THRB: variants seen among roughly 807,000 people sequenced by gnomAD.
THRB encodes thyroid hormone receptor beta, also known as nuclear receptor subfamily 1 group A member 2.
THRB carries 12 observed loss-of-function variants against 47.8 expected under a neutral mutation model. That is an observed-to-expected ratio of 0.25 (90% confidence interval 0.16 to 0.41). The LOEUF is 0.41. Among genes scored for constraint, THRB ranks in the 10% least tolerant of loss-of-function variants. The pLI is 1.00. For synonymous variants in THRB, 218 were observed against 212.2 expected (o/e 1.03, Z -0.24); for missense variants, 348 against 589.2 (o/e 0.59, Z 4.24).
chr3:24,270,387 T>A (rs1308795008), intron 3 of THRB, among the ~76,000 whole-genome samples: 1 of 152,210 alleles, frequency 6.6e-6, no homozygotes, highest in African/African-American at 2.4e-5. Flanking sequence ...AAAACATGTG[T>A]CAGGTCAGAG....
At chr3:24,374,336 C>A (rs1394761) in intron 1 of THRB, among the ~76,000 whole-genome samples, 67,909 of 151,854 alleles carry the variant, frequency 0.45, 16,042 homozygotes, top group African/African-American at 0.58. Flanking sequence ...AAATATTCAT[C>A]CTGAAGCTAC....
At chr3:24,373,525 G>A (rs1309093013) in intron 1 of THRB, among the ~76,000 whole-genome samples, 1 of 152,042 alleles carries the variant, frequency 6.6e-6, no homozygotes. Context: ...TCCCACACTT[G>A]CTGGCATGAC....
intron 1 of THRB, among the ~76,000 whole-genome samples, chr3:24,421,975 T>C (rs907492026): frequency 1.3e-5 from 2 of 151,964 alleles, no homozygotes; most frequent in Non-Finnish European, 2.9e-5. Context: ...AGTCTAGTGT[T>C]CCTTTTTCCC....
At chr3:24,432,333 T>C (rs1167692832) in intron 1 of THRB, among the ~76,000 whole-genome samples, 1 of 152,126 alleles carries the variant, frequency 6.6e-6, no homozygotes, top group East Asian at 1.9e-4. Context: ...TCAAATGGGT[T>C]ATGAGTCAAC....
intron 3 of THRB, among the ~76,000 whole-genome samples, chr3:24,238,841 C>T (rs1159980643): frequency 1.3e-5 from 2 of 152,062 alleles, no homozygotes; most frequent in African/African-American, 4.8e-5. Flanking sequence ...CTGTTTACTA[C>T]TTCTTCAGTG....
chr3:24,369,631 C>A (rs960185517), intron 1 of THRB, among the ~76,000 whole-genome samples: 1 of 152,128 alleles, frequency 6.6e-6, no homozygotes, highest in Non-Finnish European at 1.5e-5. Flanking sequence ...CACTCCTCTC[C>A]TCTCTTGAAC....
intron 3 of THRB, among the ~76,000 whole-genome samples, chr3:24,261,323 A>C (rs963279068): frequency 6.6e-6 from 1 of 152,044 alleles, no homozygotes; most frequent in Non-Finnish European, 1.5e-5. Context: ...CAACATGGTG[A>C]AACCCCGTCT....
chr3:24,411,159 C>T (rs984226654), intron 1 of THRB, among the ~76,000 whole-genome samples: 3 of 151,734 alleles, frequency 2.0e-5, no homozygotes, highest in Non-Finnish European at 2.9e-5. Context: ...TCTTGTAAAA[C>T]CCCTCTGAGC....
intron 1 of THRB, among the ~76,000 whole-genome samples, chr3:24,444,868 G>A (rs1056679872): frequency 2.0e-5 from 3 of 152,148 alleles, no homozygotes; most frequent in Non-Finnish European, 4.4e-5. Flanking sequence ...ACAGGCATGA[G>A]GCACCGTGCC....
At position 24,117,910 on chromosome 3, in the gene THRB, T is replaced by C. The variant is rs1435640016; in HGVS notation, c.*4974A>G. ...AACATAATTCCATTAGTAATATTCC[T>C]GAATAATTTGAGATGAGAAGATGAA... On this transcript the variant is annotated 3_prime_UTR_variant, in exon 11 of 11. Transcript: ENST00000646209. The C allele has an allele frequency of 6.6e-6, 1 of 152,232 alleles. No homozygotes were observed. The highest frequency in any genetic ancestry group is 2.1e-4 in the South Asian group (1 of 4,828). 9.4% of individuals were successfully genotyped at this position (152,232 alleles called of 1,614,324 possible).
rs139493212 is a variant in THRB at position 24,473,323 on chromosome 3, T to C, written c.-261+21329A>G. Among the ~76,000 whole-genome samples the C allele has an allele frequency of 1.2e-4, 18 of 152,346 alleles. No homozygotes were observed. In the East Asian group the frequency reaches 3.1e-3, roughly 26 times the overall value. On this transcript the variant is annotated intron_variant, in intron 1 of 10. Transcript: ENST00000646209. The stretch of plus-strand genomic sequence containing the variant: ...CCAAAAGAGACAATTAAAAAGTTCA[T>C]TGTATTTCTCTAATGACCAGTGATG...
intron 1 of THRB, among the ~76,000 whole-genome samples, chr3:24,378,818 C>T (rs1182890604): frequency 6.6e-6 from 1 of 152,068 alleles, no homozygotes; most frequent in African/African-American, 2.4e-5. Context: ...CAATTTTATT[C>T]TCATGTATCT....
At chr3:24,386,881 A>G (rs1197573327) in intron 1 of THRB, among the ~76,000 whole-genome samples, 1 of 152,116 alleles carries the variant, frequency 6.6e-6, no homozygotes, top group Non-Finnish European at 1.5e-5. Flanking sequence ...AGGGTTGTGG[A>G]GAGAACTAAA....
chr3:24,331,816 C>G (rs998754429), intron 2 of THRB, among the ~76,000 whole-genome samples: 3 of 152,198 alleles, frequency 2.0e-5, no homozygotes, highest in East Asian at 1.9e-4. Flanking sequence ...TCCCTGATAC[C>G]ATGTCACTAA....
At chr3:24,177,018 CAAAAT>C (rs1407353523) in intron 5 of THRB, among the ~76,000 whole-genome samples, 2 of 152,016 alleles carry the variant, frequency 1.3e-5, no homozygotes, top group African/African-American at 2.4e-5. Flanking sequence ...GACTGATTCT[CAAAAT>C]AAAATAAAGT....
intron 2 of THRB, among the ~76,000 whole-genome samples, chr3:24,312,334 T>C (rs2057813596): frequency 6.6e-6 from 1 of 152,254 alleles, no homozygotes; most frequent in Non-Finnish European, 1.5e-5. Flanking sequence ...ATTTTCTTTT[T>C]ATTTTTTTCA....
chr3:24,217,002 T>A (rs2046631533), intron 4 of THRB, among the ~76,000 whole-genome samples: 1 of 151,556 alleles, frequency 6.6e-6, no homozygotes, highest in Non-Finnish European at 1.5e-5. Flanking sequence ...GATGGCTTCA[T>A]TTATGGTTCC....
chr3:24,408,021 T>A (rs545683298), intron 1 of THRB, among the ~76,000 whole-genome samples: 15 of 152,016 alleles, frequency 9.9e-5, no homozygotes, highest in Admixed American at 6.6e-4. Flanking sequence ...TGCCATCTTT[T>A]AAAAAGTACA....
chr3:24,199,877 A>G (rs947333443), intron 4 of THRB, among the ~76,000 whole-genome samples: 8 of 152,330 alleles, frequency 5.3e-5, no homozygotes, highest in Admixed American at 3.9e-4. Context: ...CATAGGCAAC[A>G]TCTTACAATT....
Sources: allele counts gnomAD v4.1 joint callset (sites outside exome capture counted in the v4.1 genomes callset), GRCh38; gene constraint gnomAD v4.1.1; transcripts MANE v1.5; gene names NCBI Gene and HGNC (gene_info 2026-07-23, HGNC 2026-07-21).